KMT2E: variants seen among roughly 807,000 people sequenced by gnomAD.
The protein encoded by KMT2E is histone reader KMT2E.
KMT2E carries 30 observed loss-of-function variants against 184.6 expected under a neutral mutation model. That is an observed-to-expected ratio of 0.16 (90% CI 0.12 to 0.22). The LOEUF is 0.22. Among genes scored for constraint, KMT2E ranks in the 10% least tolerant of loss-of-function variants. The pLI is 1.00. For missense variants in KMT2E, 2,023 were observed against 2,237.4 expected, an observed-to-expected ratio of 0.90 and a Z score of 1.93; for synonymous variants, 815 against 776.5, an observed-to-expected ratio of 1.05 and a Z score of -0.82.
At chr7:105,034,455 C>T (rs904857386) in intron 1 of KMT2E, among the ~76,000 whole-genome samples, 3 of 152,180 alleles carry the variant, frequency 2.0e-5, no homozygotes, top group South Asian at 2.1e-4. Context: ...TGTTCTGAAA[C>T]TCCTGGCCTC....
Position 105,074,702 on chromosome 7 carries a change from T to C in KMT2E, c.616T>C (p.Phe206Leu). The change falls in exon 8 of 27, where the codon TTT becomes CTT. Residue 206 changes from phenylalanine (F) to leucine (L), a missense_variant. By Grantham distance (22) the Phe-to-Leu change is conservative. This residue lies in a region of KMT2E where 191 missense variants were observed against 209.0 expected (regional missense o/e 0.91). Coordinates refer to ENST00000311117, the MANE Select transcript of KMT2E (RefSeq NM_182931.3). ...DEVPVELYTA[F>L]QHTPTSITLT... is the part of the protein sequence containing the mutation. ...GGTTCCTGTGGAATTATATACTGCA[T>C]TTCAGCATACTCCAACATCAATTAC... 1 of 1,608,518 alleles carries C rather than the reference T, an allele frequency of 6.2e-7. No homozygotes were observed. Among genetic ancestry groups the C allele is most frequent in the Non-Finnish European group, 8.5e-7 (1 of 1,177,478 alleles).
In KMT2E at chr7:105,112,365, C is replaced by T; in HGVS notation, c.4609C>T (p.Gln1537Ter). 6.2e-7 allele frequency: 1 copy of T among 1,613,190 alleles called. No homozygotes were observed. Among genetic ancestry groups the T allele is most frequent in the Non-Finnish European group, 8.5e-7 (1 of 1,180,018 alleles). Residue 1537 changes from glutamine (Q) to a stop codon, truncating the protein, a stop_gained, in exon 27 of 27, where the codon CAA becomes TAA. Coordinates refer to ENST00000311117, the MANE Select transcript of KMT2E (RefSeq NM_182931.3). LOFTEE classifies it high-confidence loss of function. ...AGCAACATACAGTCAGTTTAACCAA[C>T]AAAGTCTGAACAGCACGGCACCACC... ...SSATYSQFNQQSLNSTAPPPP... is the reference protein window; with the variant it reads ...SSATYSQFNQ
intron 8 of KMT2E, 124 bp downstream of exon 8, chr7:105,074,939 ATTTTTAAACAATTAAACT>A: frequency 1.5e-6 from 1 of 658,298 alleles, no homozygotes; most frequent in Non-Finnish European, 2.3e-6. Flanking sequence ...GAAGTTTTTT[ATTTTTAAACAATTAAACT>A]TACTTGAACA....
intron 3 of KMT2E, among the ~76,000 whole-genome samples, chr7:105,045,049 T>C (rs1197026820): frequency 1.3e-5 from 2 of 152,250 alleles, no homozygotes; most frequent in Non-Finnish European, 2.9e-5. Context: ...TCTGTTCCTC[T>C]AATTCCTGTA....
intron 15 of KMT2E, among the ~76,000 whole-genome samples, chr7:105,099,674 G>C (rs981078016): frequency 6.6e-6 from 1 of 151,924 alleles, no homozygotes; most frequent in African/African-American, 2.4e-5. Context: ...ATCTTCCTTG[G>C]GTGCCCACCT....
chr7:105,015,692 T>A (rs977449385), intron 1 of KMT2E, among the ~76,000 whole-genome samples: 2 of 152,178 alleles, frequency 1.3e-5, no homozygotes, highest in Admixed American at 1.3e-4. Flanking sequence ...CAGGCTGATG[T>A]TGTGGTAATC....
Position 105,105,514 on chromosome 7 carries a change from C to CT in KMT2E, c.2273dup (p.Arg759ThrfsTer7), listed in dbSNP as rs1798861897. 6.2e-7 allele frequency: 1 copy of CT among 1,613,638 alleles called. No homozygotes were observed. On this transcript the variant is annotated frameshift_variant, in exon 18 of 27. Coordinates refer to ENST00000311117, the MANE Select transcript of KMT2E (RefSeq NM_182931.3). LOFTEE classifies it high-confidence loss of function. Reference sequence around the variant, plus strand: ...TTCAGATGGCCTTTCAGAAAGGCCTCTACGCATAACTACAGATCCTGAAGT... The same window carrying CT: ...TTCAGATGGCCTTTCAGAAAGGCCTCTTACGCATAACTACAGATCCTGAAGT...
rs565038067 is a variant in KMT2E, at chr7:105,093,009, A to G, written c.1722+1695A>G. On this transcript the variant is annotated intron_variant, in intron 15 of 26. Coordinates refer to ENST00000311117, the MANE Select transcript of KMT2E (RefSeq NM_182931.3). ...AGGAGTTAGAGACCCACCATGGGCA[A>G]TATAGCGAGACCTCATCTGTACAAA... Among the ~76,000 whole-genome samples, 13 of 152,098 alleles carry G rather than the reference A, an allele frequency of 8.5e-5. No individual in the cohort carries two copies. In the East Asian group the frequency reaches 2.5e-3, roughly 30 times the overall value.
intron 23 of KMT2E, among the ~76,000 whole-genome samples, 163 bp from the exon 24 acceptor site, chr7:105,110,117 G>A (rs1021419790): frequency 2.6e-5 from 4 of 152,164 alleles, no homozygotes; most frequent in Admixed American, 1.3e-4. Flanking sequence ...ACAGGCGTGA[G>A]CCACTGTGCC....
chr7:105,035,621 CAG>C (rs371883272), intron 1 of KMT2E, among the ~76,000 whole-genome samples: 2 of 151,758 alleles, frequency 1.3e-5, no homozygotes, highest in African/African-American at 2.4e-5. Context: ...TATTTTGAGA[CAG>C]AGAGTTTTGC....
chr7:105,072,654 G>A (rs1797370095), intron 6 of KMT2E, among the ~76,000 whole-genome samples: 1 of 152,130 alleles, frequency 6.6e-6, no homozygotes, highest in African/African-American at 2.4e-5. Context: ...AAATGCTCAT[G>A]CCTATAATCC....
At chr7:105,056,593 G>T (rs749148767) in intron 3 of KMT2E, among the ~76,000 whole-genome samples, 2 of 152,166 alleles carry the variant, frequency 1.3e-5, no homozygotes, top group Non-Finnish European at 2.9e-5. Flanking sequence ...GATAGGTTCT[G>T]TCTCCTCTAG....
At position 105,113,957 on chromosome 7, in the gene KMT2E, G is replaced by C. The variant is rs1186293165; in HGVS notation, c.*624G>C. The C allele has an allele frequency of 2.0e-5, 3 of 153,138 alleles. No homozygotes were observed. Among genetic ancestry groups the C allele is most frequent in the Non-Finnish European group, 4.4e-5 (3 of 68,194 alleles). The allele number at this position is 153,138 out of a possible 1,614,324, so 9.5% of individuals were successfully genotyped here. A position where few individuals can be genotyped will look rare whatever the true frequency, so the allele number is the denominator to read the frequency against. On this transcript the variant is annotated 3_prime_UTR_variant, in exon 27 of 27. Coordinates refer to ENST00000311117, the MANE Select transcript of KMT2E (RefSeq NM_182931.3). ...CATATGACAAGTCTTTTGCAAAACT[G>C]TGTGATCTTTGTGAAAGTAGTACAG...
In KMT2E at chr7:105,105,990, C is replaced by T. The variant is rs758247959; in HGVS notation, c.2583C>T (p.Ser861=). 3 of 1,605,264 alleles carry T rather than the reference C, an allele frequency of 1.9e-6. No homozygotes were observed. The highest frequency in any genetic ancestry group is 1.7e-5 in the Admixed American group (1 of 57,256). The change falls in exon 19 of 27, where the codon AGC becomes AGT. Residue 861 remains serine, a synonymous_variant. Coordinates refer to ENST00000311117, the MANE Select transcript of KMT2E (RefSeq NM_182931.3). ...AAAGTCCACTACTATTAAATGACAG[C>T]TGTTCCCTTCCAGGTAGAATTTTTT... is the stretch of plus-strand genomic sequence containing the variant. ...ENKSPLLLND[S]CSLPDLTTPL...
At chr7:105,111,137 G>T in intron 26 of KMT2E, 1 of 360,870 alleles carries the variant, frequency 2.8e-6, no homozygotes, top group Non-Finnish European at 5.0e-6. Context: ...CTATTCTAGT[G>T]GTGTCCAGGA....
chr7:105,110,915 G>A (rs1799218573), intron 26 of KMT2E, 47 bp downstream of exon 26: 1 of 1,316,262 alleles, frequency 7.6e-7, no homozygotes, highest in Non-Finnish European at 1.1e-6. Flanking sequence ...TTTAGGTTGA[G>A]TGCAGAAAAG....
intron 1 of KMT2E, among the ~76,000 whole-genome samples, chr7:105,022,696 T>G (rs1795005381): frequency 6.6e-6 from 1 of 152,174 alleles, no homozygotes; most frequent in African/African-American, 2.4e-5. Flanking sequence ...TTTTACTGTG[T>G]TGGTTGTAAA....
intron 22 of KMT2E, chr7:105,108,603 A>C: frequency 2.2e-6 from 1 of 462,620 alleles, no homozygotes. Flanking sequence ...ACGGGCTTTC[A>C]AGTAAGACCT....
chr7:105,060,661 C>T (rs1357028129), intron 3 of KMT2E, among the ~76,000 whole-genome samples: 4 of 152,058 alleles, frequency 2.6e-5, no homozygotes, highest in Non-Finnish European at 5.9e-5. Flanking sequence ...CTCCTGAACT[C>T]CAGGCTTCAA....
Sources: allele counts gnomAD v4.1 joint callset (sites outside exome capture counted in the v4.1 genomes callset), GRCh38; gene constraint gnomAD v4.1.1; regional missense constraint gnomAD v4.1.1; transcripts MANE v1.5; gene names NCBI Gene and HGNC (gene_info 2026-07-23, HGNC 2026-07-21).